The following BICC1 variants were observed in gnomAD, a reference collection of about 807,000 sequenced individuals.
BICC1 encodes the protein protein bicaudal C homolog 1.
BICC1 carries 43 observed loss-of-function variants against 111.0 expected under a neutral mutation model. The observed-to-expected ratio is 0.39, with a 90% confidence interval of 0.30 to 0.50. The LOEUF is 0.50. BICC1 is among the 20% of genes least tolerant of loss of function. The pLI is 0.88. For missense variants in BICC1, 1,091 were observed against 1,203.2 expected (o/e 0.91, Z 1.38); for synonymous variants, 467 against 434.4 (o/e 1.07, Z -0.93).
chr10:58,619,334 TAAAAATGTGTTGGTA>T (rs1307043088), intron 1 of BICC1, among the ~76,000 whole-genome samples: 1 of 152,144 alleles, frequency 6.6e-6, no homozygotes, highest in Non-Finnish European at 1.5e-5. Context: ...GTTGTTTGGA[TAAAAATGTGTTGGTA>T]AAAAATACAC....
At chr10:58,797,534 C>T (rs1843395234) in intron 10 of BICC1, among the ~76,000 whole-genome samples, 1 of 152,098 alleles carries the variant, frequency 6.6e-6, no homozygotes, top group African/African-American at 2.4e-5. Context: ...TGAACAGAGT[C>T]ATAACAACAT....
chr10:58,732,688 G>A (rs1307001656), intron 3 of BICC1, among the ~76,000 whole-genome samples: 4 of 151,726 alleles, frequency 2.6e-5, no homozygotes, highest in Non-Finnish European at 4.4e-5. Flanking sequence ...GCCTGAGGTG[G>A]GAGGATTGCT....
intron 1 of BICC1, among the ~76,000 whole-genome samples, chr10:58,542,338 G>T (rs1041680806): frequency 6.6e-6 from 1 of 151,908 alleles, no homozygotes; most frequent in Non-Finnish European, 1.5e-5. Flanking sequence ...GCATGCAGAA[G>T]AATGGTATAA....
At chr10:58,618,415 C>T (rs1845689654) in intron 1 of BICC1, among the ~76,000 whole-genome samples, 1 of 152,212 alleles carries the variant, frequency 6.6e-6, no homozygotes, top group Admixed American at 6.5e-5. Flanking sequence ...TGGCTTGGAG[C>T]CACTATTGTC....
At position 58,813,837 on chromosome 10, in the gene BICC1, C is replaced by T. The variant is rs1843992697; in HGVS notation, c.2384C>T (p.Ser795Phe). The change falls in exon 18 of 21, where the codon TCC becomes TTC. Residue 795 changes from serine (S) to phenylalanine (F), a missense_variant. Around this residue, in one of 3 missense-constraint regions of BICC1, gnomAD observed 231 missense variants for 256.2 expected, o/e 0.90. Coordinates refer to ENST00000373886, the MANE Select transcript of BICC1 (RefSeq NM_001080512.3). ...PTMTTTYEGS[S>F]MSLSRSNSRE... is the part of the protein sequence containing the mutation. ...GGCTTTGTCTGTTTACAGGGCTCAT[C>T]CATGTCCCTTTCACGGTCCAACAGT... The T allele has an allele frequency of 6.2e-7, 1 of 1,613,862 alleles. No homozygotes were observed. Among genetic ancestry groups the T allele is most frequent in the East Asian group, 2.2e-5 (1 of 44,872 alleles).
intron 1 of BICC1, among the ~76,000 whole-genome samples, chr10:58,558,280 A>G (rs1843509628): frequency 6.6e-6 from 1 of 152,080 alleles, no homozygotes; most frequent in South Asian, 2.1e-4. Context: ...GAACATCTCC[A>G]GAATTCTTTG....
intron 1 of BICC1, among the ~76,000 whole-genome samples, chr10:58,564,770 C>A (rs1406484982): frequency 6.6e-6 from 1 of 152,114 alleles, no homozygotes; most frequent in Non-Finnish European, 1.5e-5. Flanking sequence ...ATAAATGGTT[C>A]TGGCTATTTA....
intron 3 of BICC1, among the ~76,000 whole-genome samples, chr10:58,712,918 G>C (rs1174996486): frequency 6.6e-6 from 1 of 152,080 alleles, no homozygotes; most frequent in Non-Finnish European, 1.5e-5. Flanking sequence ...TTTGCTCTGA[G>C]CCGGAAACTG....
chr10:58,819,843 A>G (rs964775619), intron 19 of BICC1, among the ~76,000 whole-genome samples: 4 of 152,062 alleles, frequency 2.6e-5, no homozygotes, highest in Non-Finnish European at 4.4e-5. Flanking sequence ...CAGACAGTGC[A>G]GTTTTATAGT....
intron 3 of BICC1, among the ~76,000 whole-genome samples, chr10:58,768,045 T>C (rs1386276618): frequency 2.0e-5 from 3 of 152,040 alleles, no homozygotes; most frequent in Non-Finnish European, 2.9e-5. Context: ...AAATAATGGC[T>C]GAAAACTTCC....
chr10:58,580,308 G>T (rs951981349), intron 1 of BICC1, among the ~76,000 whole-genome samples: 4 of 152,166 alleles, frequency 2.6e-5, no homozygotes, highest in African/African-American at 9.7e-5. Context: ...ACAGGTGTGA[G>T]CCACTTTGCC....
chr10:58,513,743 C>CT, intron 1 of BICC1, among the ~76,000 whole-genome samples: 1 of 152,348 alleles, frequency 6.6e-6, no homozygotes, highest in South Asian at 2.1e-4. Context: ...CTCTCTCCGT[C>CT]TGTTTCACTC....
At chr10:58,730,443 G>A (rs1332529382) in intron 3 of BICC1, among the ~76,000 whole-genome samples, 1 of 152,066 alleles carries the variant, frequency 6.6e-6, no homozygotes, top group Non-Finnish European at 1.5e-5. Context: ...GGTGCAAGTT[G>A]CCAGTGGTTT....
chr10:58,697,434 G>A (rs1226598327), intron 2 of BICC1, among the ~76,000 whole-genome samples: 1 of 152,072 alleles, frequency 6.6e-6, no homozygotes, highest in Admixed American at 6.5e-5. Flanking sequence ...TTTTGTGAAG[G>A]TGCAAATAGG....
chr10:58,561,388 T>A (rs1010894186), intron 1 of BICC1, among the ~76,000 whole-genome samples: 1 of 152,070 alleles, frequency 6.6e-6, no homozygotes, highest in African/African-American at 2.4e-5. Context: ...TGGTTTCTCT[T>A]TGTGTAGAAT....
At chr10:58,590,842 G>T (rs973925866) in intron 1 of BICC1, among the ~76,000 whole-genome samples, 1 of 152,164 alleles carries the variant, frequency 6.6e-6, no homozygotes, top group Non-Finnish European at 1.5e-5. Context: ...AAATAAGATT[G>T]TGCAGAAGTG....
rs1455128956 is a variant in BICC1, at chr10:58,829,550, A to AT, written c.*663dup. ...TAGTTTCTGTGCAGAATATTCTGTG[A>AT]TTTTGGGAAATGTAAGTGAGTCCAC... On this transcript the variant is annotated 3_prime_UTR_variant, in exon 21 of 21. Transcript: ENST00000373886. The AT allele has an allele frequency of 6.6e-6, 1 of 152,066 alleles. No individual in the cohort carries two copies. Among genetic ancestry groups the AT allele is most frequent in the Non-Finnish European group, 1.5e-5 (1 of 68,014 alleles). The allele number at this position is 152,066 out of a possible 1,614,324, so 9.4% of individuals were successfully genotyped here. A position where few individuals can be genotyped will look rare whatever the true frequency, so the allele number is the denominator to read the frequency against.
intron 1 of BICC1, among the ~76,000 whole-genome samples, chr10:58,569,101 T>G (rs1843862524): frequency 6.6e-6 from 1 of 152,168 alleles, no homozygotes; most frequent in African/African-American, 2.4e-5. Flanking sequence ...CCTGGACAGG[T>G]TTGATAAAAG....
intron 3 of BICC1, among the ~76,000 whole-genome samples, chr10:58,775,382 A>G (rs540753307): frequency 6.6e-6 from 1 of 151,102 alleles, no homozygotes; most frequent in East Asian, 1.9e-4. Context: ...TCAAAAAAAA[A>G]CAAAAAACAA....
Sources: allele counts gnomAD v4.1 joint callset (sites outside exome capture counted in the v4.1 genomes callset), GRCh38; gene constraint gnomAD v4.1.1; regional missense constraint gnomAD v4.1.1; transcripts MANE v1.5; gene names NCBI Gene and HGNC (gene_info 2026-07-23, HGNC 2026-07-21).